Variants in MYO5B observed in about 807,000 individuals in gnomAD.
MYO5B encodes unconventional myosin-Vb.
In MYO5B, 143 loss-of-function variants were observed where a neutral mutation model predicts 229.3. The ratio of observed to expected loss-of-function variants is 0.62; its 90% CI spans 0.54 to 0.72. The LOEUF is 0.72. Ranked by LOEUF, MYO5B falls within the 30% of genes least tolerant of loss-of-function variation. The pLI, the probability that MYO5B is intolerant of heterozygous loss-of-function variation, is 0.00. For synonymous variants in MYO5B, 918 were observed against 885.2 expected, an observed-to-expected ratio of 1.04 and a Z score of -0.66; for missense variants, 2,321 against 2,331.0, an observed-to-expected ratio of 1.00 and a Z score of 0.09.
intron 16 of MYO5B, among the ~76,000 whole-genome samples, chr18:49,935,945 T>G (rs1257505220): frequency 6.6e-6 from 1 of 152,228 alleles, no homozygotes. Flanking sequence ...AAGCCTGAAT[T>G]TAACACTTGC....
chr18:50,120,937 G>C (rs2032048502), intron 1 of MYO5B, among the ~76,000 whole-genome samples: 1 of 152,160 alleles, frequency 6.6e-6, no homozygotes, highest in Admixed American at 6.5e-5. Context: ...TCCTCAGCTA[G>C]AGAATGAAGG....
At chr18:49,866,862 A>G (rs1568617034) in intron 27 of MYO5B, among the ~76,000 whole-genome samples, 1 of 152,176 alleles carries the variant, frequency 6.6e-6, no homozygotes, top group South Asian at 2.1e-4. Context: ...AATGCCATCC[A>G]CTGACTCAGA....
At chr18:49,995,181 T>C (rs1456165999) in intron 5 of MYO5B, among the ~76,000 whole-genome samples, 1 of 151,972 alleles carries the variant, frequency 6.6e-6, no homozygotes, top group African/African-American at 2.4e-5. Flanking sequence ...CCACCACACA[T>C]GTGGGCAACT....
intron 22 of MYO5B, among the ~76,000 whole-genome samples, chr18:49,894,228 A>G (rs766603095): frequency 6.7e-6 from 1 of 149,670 alleles, no homozygotes; most frequent in South Asian, 2.1e-4. Context: ...ATGGACAAAC[A>G]CTGAAAAAGC....
At chr18:50,189,718 A>C (rs1190496427) in intron 1 of MYO5B, among the ~76,000 whole-genome samples, 1 of 152,202 alleles carries the variant, frequency 6.6e-6, no homozygotes, top group Non-Finnish European at 1.5e-5. Flanking sequence ...CAGAGCCACC[A>C]GCAAAAGAAG....
intron 39 of MYO5B, among the ~76,000 whole-genome samples, chr18:49,832,926 C>T (rs114397378): frequency 0.014 from 2,099 of 152,162 alleles, 42 homozygotes; most frequent in African/African-American, 0.048. Context: ...ACAGCCCACT[C>T]TGAGGTTTGC....
At chr18:49,839,423 T>A (rs1165025658) in intron 35 of MYO5B, 129 bp from the exon 36 acceptor site, 1 of 1,014,696 alleles carries the variant, frequency 9.9e-7, no homozygotes, top group Non-Finnish European at 1.5e-6. Context: ...CCTATGTAGA[T>A]GATGTTTTAC....
At chr18:50,177,996 A>T (rs2033020918) in intron 1 of MYO5B, among the ~76,000 whole-genome samples, 1 of 152,220 alleles carries the variant, frequency 6.6e-6, no homozygotes, top group East Asian at 1.9e-4. Flanking sequence ...CCTGAATAGC[A>T]CTTATTGCAC....
At chr18:50,110,315 C>T (rs1050639068) in intron 1 of MYO5B, among the ~76,000 whole-genome samples, 1 of 152,158 alleles carries the variant, frequency 6.6e-6, no homozygotes, top group Non-Finnish European at 1.5e-5. Context: ...CTTTATCCTG[C>T]TTATCTCCCT....
intron 17 of MYO5B, among the ~76,000 whole-genome samples, chr18:49,921,714 G>C (rs1377998655): frequency 3.9e-5 from 6 of 152,266 alleles, no homozygotes; most frequent in South Asian, 2.1e-4. Context: ...GGGAAGGGGG[G>C]TAAGAATTCC....
At chr18:50,147,194 C>A (rs1347627131) in intron 1 of MYO5B, among the ~76,000 whole-genome samples, 3 of 152,176 alleles carry the variant, frequency 2.0e-5, no homozygotes, top group African/African-American at 7.2e-5. Context: ...GCCCAACACG[C>A]CTTTCAGAGC....
intron 1 of MYO5B, among the ~76,000 whole-genome samples, chr18:50,181,599 G>C (rs996956961): frequency 1.3e-5 from 2 of 152,222 alleles, no homozygotes; most frequent in Admixed American, 6.5e-5. Flanking sequence ...TTTGAAGCCA[G>C]TTTCATAAGA....
At chr18:50,121,884 C>T (rs1202968315) in intron 1 of MYO5B, among the ~76,000 whole-genome samples, 1 of 152,198 alleles carries the variant, frequency 6.6e-6, no homozygotes, top group African/African-American at 2.4e-5. Flanking sequence ...CAATAACAGC[C>T]CTTTCTCACT....
At chr18:50,067,941 G>T (rs1049989947) in intron 1 of MYO5B, among the ~76,000 whole-genome samples, 1 of 152,068 alleles carries the variant, frequency 6.6e-6, no homozygotes, top group African/African-American at 2.4e-5. Context: ...AGTCTTGCTG[G>T]TGCTGTTTTC....
chr18:50,059,195 T>C (rs1218075980), intron 1 of MYO5B, among the ~76,000 whole-genome samples: 1 of 152,182 alleles, frequency 6.6e-6, no homozygotes, highest in Admixed American at 6.5e-5. Flanking sequence ...TCATGCTGAG[T>C]ATAGGAATCA....
intron 14 of MYO5B, among the ~76,000 whole-genome samples, chr18:49,951,448 A>G (rs1180646991): frequency 6.6e-6 from 1 of 152,196 alleles, no homozygotes; most frequent in Non-Finnish European, 1.5e-5. Flanking sequence ...GAGATTAACT[A>G]CATGTGTCGG....
intron 1 of MYO5B, among the ~76,000 whole-genome samples, chr18:50,176,615 C>A (rs969998415): frequency 6.6e-6 from 1 of 152,144 alleles, no homozygotes. Context: ...GGTCCCTGAC[C>A]AAAACTTCTT....
At chr18:49,917,240 A>G (rs902782418) in intron 17 of MYO5B, among the ~76,000 whole-genome samples, 2 of 152,312 alleles carry the variant, frequency 1.3e-5, no homozygotes, top group South Asian at 2.1e-4. Flanking sequence ...ACCTATTGTC[A>G]TGGTGTCCTT....
intron 1 of MYO5B, among the ~76,000 whole-genome samples, chr18:50,160,230 G>A (rs757677087): frequency 3.3e-5 from 5 of 152,238 alleles, no homozygotes; most frequent in Admixed American, 6.5e-5. Flanking sequence ...CTGCTCTCTC[G>A]AAAACTCTAT....
Sources: gnomAD v4.1 joint callset for allele counts (sites outside exome capture counted in the v4.1 genomes callset) on GRCh38, gnomAD v4.1.1 for gene constraint, MANE v1.5 for transcripts, NCBI Gene and HGNC (gene_info 2026-07-23, HGNC 2026-07-21) for gene names.